Variants in GRIK2 observed in about 807,000 individuals in gnomAD.
The protein encoded by GRIK2 is glutamate ionotropic receptor kainate type subunit 2, also known as glutamate receptor ionotropic, kainate 2.
In GRIK2, 32 loss-of-function variants were observed where a neutral mutation model predicts 100.3. The observed-to-expected ratio is 0.32, with a 90% confidence interval of 0.24 to 0.43. GRIK2 has a LOEUF of 0.43. Ranked by LOEUF, GRIK2 falls within the 20% of genes least tolerant of loss-of-function variation. The probability of loss-of-function intolerance (pLI) is 1.00; values close to 1 mark genes in which losing one functional copy is unlikely to be tolerated. For missense variants in GRIK2, 843 were observed against 1,114.9 expected (o/e 0.76, Z 3.47); for synonymous variants, 417 against 389.4 (o/e 1.07, Z -0.83).
At position 101,972,238 on chromosome 6, in the gene GRIK2, T is replaced by C. The variant is rs751898672; in HGVS notation, c.2085+43606T>C. Among the ~76,000 whole-genome samples, 12 of 151,992 alleles carry C rather than the reference T, an allele frequency of 7.9e-5. 1 individual carries two copies. Among genetic ancestry groups the C allele is most frequent in the Non-Finnish European group, 1.8e-4 (12 of 67,956 alleles). The stretch of plus-strand genomic sequence containing the variant: ...CTCACGAACAGTGTATAAGCATTCC[T>C]ATTTCTCCCGAGCCTCACCAGCATC... On this transcript the variant is annotated intron_variant, in intron 14 of 16. Transcript: ENST00000369134.
At chr6:102,030,333 A>C (rs772037903) in intron 14 of GRIK2, among the ~76,000 whole-genome samples, 9 of 151,290 alleles carry the variant, frequency 5.9e-5, no homozygotes, top group Admixed American at 3.3e-4. Context: ...TCAATCTTTT[A>C]AAATCTTACT....
intron 2 of GRIK2, among the ~76,000 whole-genome samples, chr6:101,414,940 TTGTG>T (rs3057496): frequency 0.062 from 9,311 of 149,870 alleles, 323 homozygotes; most frequent in Non-Finnish European, 0.075. Flanking sequence ...AGTTTTAAAC[TTGTG>T]TGTGTGTGTG....
chr6:101,918,111 G>A (rs1310099396), intron 12 of GRIK2, among the ~76,000 whole-genome samples: 5 of 151,452 alleles, frequency 3.3e-5, no homozygotes, highest in Admixed American at 2.0e-4. Context: ...GAATATTACC[G>A]TTAACTGCTG....
chr6:101,444,081 G>C (rs1042442967), intron 2 of GRIK2, among the ~76,000 whole-genome samples: 1 of 134,798 alleles, frequency 7.4e-6, no homozygotes, highest in African/African-American at 2.5e-5. Context: ...TTGTTTGTTT[G>C]TTTGTTTGTT....
intron 11 of GRIK2, among the ~76,000 whole-genome samples, chr6:101,883,318 A>ATAATAC (rs1320945014): frequency 1.3e-5 from 2 of 148,976 alleles, no homozygotes; most frequent in Non-Finnish European, 3.0e-5. Flanking sequence ...AATAATAATA[A>ATAATAC]TAATATAATA....
chr6:101,744,556 A>ACACACACATATATATATATACGTG (rs1562351826), intron 7 of GRIK2: 1 of 113,626 alleles, frequency 8.8e-6, no homozygotes, highest in African/African-American at 3.5e-5. Flanking sequence ...ATATATATAT[A>ACACACACATATATATATATACGTG]TATCACAATT....
chr6:101,441,963 CA>C (rs138479627), intron 2 of GRIK2, among the ~76,000 whole-genome samples: 49,727 of 138,420 alleles, frequency 0.36, 8,607 homozygotes, highest in Middle Eastern at 0.47. Context: ...TTGGGAGATA[CA>C]AAAAAAAAAA....
chr6:101,526,807 C>T (rs1257307793), intron 2 of GRIK2, among the ~76,000 whole-genome samples: 1 of 152,122 alleles, frequency 6.6e-6, no homozygotes, highest in Admixed American at 6.6e-5. Context: ...CCCATGGGCC[C>T]CATAGAAAGC....
Position 101,612,183 on chromosome 6 carries a change from C to T in GRIK2, c.116-9766C>T, listed in dbSNP as rs150513846. Among the ~76,000 whole-genome samples, 273 of 151,972 alleles carry T rather than the reference C, an allele frequency of 1.8e-3. 2 individuals carry two copies. Among genetic ancestry groups the T allele is most frequent in the African/African-American group, 6.4e-3 (265 of 41,512 alleles). Reference sequence around the variant, plus strand: ...CACTGAGGATGCTAGACCTGTTTCACGGTCTTGCTAAAGCAGAATTCAATA... The same window carrying T: ...CACTGAGGATGCTAGACCTGTTTCATGGTCTTGCTAAAGCAGAATTCAATA... On this transcript the variant is annotated intron_variant, in intron 2 of 16. Coordinates refer to ENST00000369134, the MANE Select transcript of GRIK2 (RefSeq NM_021956.5).
chr6:101,485,536 T>C (rs1772773585), intron 2 of GRIK2, among the ~76,000 whole-genome samples: 1 of 152,186 alleles, frequency 6.6e-6, no homozygotes, highest in Non-Finnish European at 1.5e-5. Flanking sequence ...ATATAAAATA[T>C]GTTGATAAGC....
At chr6:101,702,809 A>T (rs1562321411) in intron 7 of GRIK2, among the ~76,000 whole-genome samples, 1 of 151,928 alleles carries the variant, frequency 6.6e-6, no homozygotes, top group Non-Finnish European at 1.5e-5. Context: ...AATATTGATC[A>T]GAAAAGCATC....
intron 14 of GRIK2, among the ~76,000 whole-genome samples, chr6:101,947,135 G>A (rs1791330637): frequency 6.6e-6 from 1 of 152,182 alleles, no homozygotes; most frequent in African/African-American, 2.4e-5. Flanking sequence ...TCCAGAAGAA[G>A]CATGCCTAAA....
chr6:101,632,270 C>T (rs530452348), intron 4 of GRIK2, among the ~76,000 whole-genome samples: 1 of 152,236 alleles, frequency 6.6e-6, no homozygotes, highest in South Asian at 2.1e-4. Context: ...ACTCTTATCA[C>T]ACTCTGAATG....
chr6:102,060,907 AT>A (rs1009203671), intron 16 of GRIK2, among the ~76,000 whole-genome samples: 68 of 150,576 alleles, frequency 4.5e-4, no homozygotes, highest in Non-Finnish European at 7.3e-4. Flanking sequence ...TTATGTATTA[AT>A]TTTTTAACTT....
At chr6:101,800,622 A>G (rs1780610798) in intron 8 of GRIK2, among the ~76,000 whole-genome samples, 1 of 152,096 alleles carries the variant, frequency 6.6e-6, no homozygotes, top group South Asian at 2.1e-4. Context: ...AAATAGGATC[A>G]TAATTAAGTA....
intron 7 of GRIK2, among the ~76,000 whole-genome samples, chr6:101,753,282 C>CAAA (rs774187168): frequency 1.3e-4 from 9 of 70,858 alleles, no homozygotes; most frequent in Admixed American, 1.7e-4. Context: ...GACTCCGTCT[C>CAAA]AAAAAAAAAA....
intron 2 of GRIK2, among the ~76,000 whole-genome samples, chr6:101,471,037 A>G (rs1044160601): frequency 1.3e-5 from 2 of 152,106 alleles, no homozygotes; most frequent in Non-Finnish European, 1.5e-5. Context: ...TATGCAAAAT[A>G]ATAACTATGG....
At chr6:101,582,657 G>A (rs1001859154) in intron 2 of GRIK2, among the ~76,000 whole-genome samples, 3 of 152,060 alleles carry the variant, frequency 2.0e-5, no homozygotes, top group Admixed American at 6.6e-5. Context: ...ACAACATAAG[G>A]AAATCTACAT....
intron 14 of GRIK2, among the ~76,000 whole-genome samples, chr6:101,986,352 T>C (rs1380443251): frequency 1.3e-5 from 2 of 152,022 alleles, no homozygotes; most frequent in South Asian, 4.1e-4. Flanking sequence ...GAGAGAGTTA[T>C]ACTTCACACT....
Sources: allele counts gnomAD v4.1 joint callset (sites outside exome capture counted in the v4.1 genomes callset), GRCh38; gene constraint gnomAD v4.1.1; transcripts MANE v1.5; gene names NCBI Gene and HGNC (gene_info 2026-07-23, HGNC 2026-07-21).